The following CNTNAP2 variants were observed in gnomAD, a reference collection of about 807,000 sequenced individuals.
The protein encoded by CNTNAP2 is contactin-associated protein-like 2.
CNTNAP2 carries 98 observed loss-of-function variants against 155.2 expected under a neutral mutation model. The ratio of observed to expected loss-of-function variants is 0.63; its 90% CI spans 0.54 to 0.75. The LOEUF (loss-of-function observed/expected upper bound fraction) is 0.75. Ranked by LOEUF, CNTNAP2 falls within the 30% of genes least tolerant of loss-of-function variation. The pLI is 0.00. For missense variants in CNTNAP2, 1,727 were observed against 1,688.1 expected, an observed-to-expected ratio of 1.02 and a Z score of -0.40; for synonymous variants, 651 against 631.2, an observed-to-expected ratio of 1.03 and a Z score of -0.47.
intron 3 of CNTNAP2, among the ~76,000 whole-genome samples, chr7:146,907,140 T>C (rs1585150140): frequency 6.6e-6 from 1 of 152,036 alleles, no homozygotes; most frequent in East Asian, 1.9e-4. Flanking sequence ...CTCCAAGAAA[T>C]ATGGGACTGT....
At chr7:148,261,653 T>C (rs886328682) in intron 20 of CNTNAP2, among the ~76,000 whole-genome samples, 9 of 152,004 alleles carry the variant, frequency 5.9e-5, no homozygotes, top group South Asian at 2.1e-4. Context: ...CTGGCTGCCC[T>C]CTGGAGTGCA....
At chr7:148,117,358 C>T (rs1804495043) in intron 15 of CNTNAP2, among the ~76,000 whole-genome samples, 1 of 152,224 alleles carries the variant, frequency 6.6e-6, no homozygotes, top group Non-Finnish European at 1.5e-5. Context: ...AGGCAACTCA[C>T]CTCTGAGAGT....
At chr7:148,153,501 G>A (rs536072277) in intron 17 of CNTNAP2, among the ~76,000 whole-genome samples, 197 of 152,138 alleles carry the variant, frequency 1.3e-3, no homozygotes, top group Non-Finnish European at 2.5e-3. Flanking sequence ...AGCATATGAC[G>A]AGCTCCCTGG....
At chr7:148,031,668 G>A (rs1157672456) in intron 15 of CNTNAP2, among the ~76,000 whole-genome samples, 2 of 152,310 alleles carry the variant, frequency 1.3e-5, no homozygotes, top group Middle Eastern at 3.4e-3. Context: ...CCCAGGGTCA[G>A]TGGTGTTGCC....
chr7:147,079,688 C>T (rs1800079643), intron 4 of CNTNAP2, among the ~76,000 whole-genome samples: 1 of 151,476 alleles, frequency 6.6e-6, no homozygotes, highest in South Asian at 2.1e-4. Flanking sequence ...AATACACACC[C>T]TGCCACTTTG....
At chr7:147,635,113 A>C (rs1426221164) in intron 12 of CNTNAP2, among the ~76,000 whole-genome samples, 1 of 151,722 alleles carries the variant, frequency 6.6e-6, no homozygotes, top group Non-Finnish European at 1.5e-5. Context: ...TTGAAAAGGC[A>C]ATCCCCATTC....
At chr7:146,625,857 C>T (rs1181947389) in intron 1 of CNTNAP2, among the ~76,000 whole-genome samples, 1 of 152,054 alleles carries the variant, frequency 6.6e-6, no homozygotes, top group Non-Finnish European at 1.5e-5. Flanking sequence ...AGTGTACTCA[C>T]ACAAGCTGGG....
chr7:148,189,262 G>A (rs1039667766), intron 18 of CNTNAP2, among the ~76,000 whole-genome samples: 1 of 152,132 alleles, frequency 6.6e-6, no homozygotes. Flanking sequence ...CCCTAGAAAA[G>A]GATTTCAAAA....
intron 1 of CNTNAP2, among the ~76,000 whole-genome samples, chr7:146,444,795 T>A (rs1796378265): frequency 6.6e-6 from 1 of 151,756 alleles, no homozygotes; most frequent in African/African-American, 2.4e-5. Flanking sequence ...GTAGCTGGGA[T>A]TACAGGTGCC....
chr7:148,150,931 G>A (rs1015803601), intron 17 of CNTNAP2, among the ~76,000 whole-genome samples: 2 of 151,496 alleles, frequency 1.3e-5, no homozygotes, highest in Admixed American at 6.6e-5. Flanking sequence ...TGTTGCCCAG[G>A]CTGATCTCAA....
chr7:148,240,202 T>C (rs79392532), intron 20 of CNTNAP2, among the ~76,000 whole-genome samples: 4,708 of 152,274 alleles, frequency 0.031, 233 homozygotes, highest in African/African-American at 0.11. Flanking sequence ...GGATAGATAA[T>C]GATGAGTTGG....
intron 15 of CNTNAP2, among the ~76,000 whole-genome samples, chr7:147,989,463 C>A (rs1319900759): frequency 6.6e-6 from 1 of 152,214 alleles, no homozygotes. Flanking sequence ...ATAGTCAGAG[C>A]TCTCTAAGTG....
chr7:146,222,577 C>T (rs892329637), intron 1 of CNTNAP2, among the ~76,000 whole-genome samples: 14 of 137,560 alleles, frequency 1.0e-4, no homozygotes, highest in African/African-American at 3.7e-4. Flanking sequence ...TGTGTGTGTG[C>T]GTGCACATGT....
At chr7:146,170,955 G>T (rs1489601743) in intron 1 of CNTNAP2, among the ~76,000 whole-genome samples, 1 of 151,984 alleles carries the variant, frequency 6.6e-6, no homozygotes, top group Non-Finnish European at 1.5e-5. Flanking sequence ...TGAACCTGGG[G>T]GGCGGAGGTT....
At chr7:146,509,553 A>C (rs569138924) in intron 1 of CNTNAP2, among the ~76,000 whole-genome samples, 1 of 152,102 alleles carries the variant, frequency 6.6e-6, no homozygotes, top group Admixed American at 6.5e-5. Flanking sequence ...TGGGGCCTCA[A>C]TGACTTCCTG....
chr7:147,926,037 A>G (rs1563137670), intron 14 of CNTNAP2, among the ~76,000 whole-genome samples: 1 of 152,228 alleles, frequency 6.6e-6, no homozygotes, highest in Non-Finnish European at 1.5e-5. Context: ...GAATTTAGGG[A>G]TGCTGACACT....
At chr7:146,186,794 C>A (rs541714744) in intron 1 of CNTNAP2, among the ~76,000 whole-genome samples, 1 of 152,046 alleles carries the variant, frequency 6.6e-6, no homozygotes, top group South Asian at 2.1e-4. Flanking sequence ...TTTATGGCAT[C>A]CTTTATTTTT....
intron 1 of CNTNAP2, among the ~76,000 whole-genome samples, chr7:146,702,568 G>T (rs946617530): frequency 6.6e-6 from 1 of 152,108 alleles, no homozygotes; most frequent in Non-Finnish European, 1.5e-5. Flanking sequence ...GACTAGAAAT[G>T]TGGCCAATGT....
At chr7:148,153,829 C>A (rs982813473) in intron 17 of CNTNAP2, among the ~76,000 whole-genome samples, 1 of 152,212 alleles carries the variant, frequency 6.6e-6, no homozygotes, top group African/African-American at 2.4e-5. Flanking sequence ...AAGCAAACAC[C>A]ACTGCGGGGA....
Sources: allele counts gnomAD v4.1 joint callset (sites outside exome capture counted in the v4.1 genomes callset), GRCh38; gene constraint gnomAD v4.1.1; transcripts MANE v1.5; gene names NCBI Gene and HGNC (gene_info 2026-07-23, HGNC 2026-07-21).